Variants in MTHFD2L observed in about 807,000 individuals in gnomAD.
MTHFD2L encodes bifunctional methylenetetrahydrofolate dehydrogenase/cyclohydrolase 2, mitochondrial.
In MTHFD2L, 29 loss-of-function variants were observed where a neutral mutation model predicts 34.9. The observed-to-expected ratio is 0.83, with a 90% CI of 0.62 to 1.13. The LOEUF is 1.13. Ranked by LOEUF, MTHFD2L falls within the 50% of genes most tolerant of loss-of-function variation. The pLI, the probability that MTHFD2L is intolerant of heterozygous loss-of-function variation, is 0.00. For missense variants in MTHFD2L, 481 were observed against 446.5 expected (o/e 1.08, Z -0.70); for synonymous variants, 167 against 155.7 (o/e 1.07, Z -0.54).
chr4:74,222,412 A>G (rs1371418935), intron 5 of MTHFD2L, among the ~76,000 whole-genome samples: 1 of 152,122 alleles, frequency 6.6e-6, no homozygotes, highest in East Asian at 1.9e-4. Flanking sequence ...GGCAAGAGCA[A>G]GACAGAAGTG....
At chr4:74,220,053 C>G (rs187627897) in intron 5 of MTHFD2L, among the ~76,000 whole-genome samples, 1 of 150,864 alleles carries the variant, frequency 6.6e-6, no homozygotes, top group African/African-American at 2.4e-5. Context: ...ATAATCAGTA[C>G]TGATGGAAAT....
chr4:74,255,118 A>G (rs1322598165), intron 6 of MTHFD2L, among the ~76,000 whole-genome samples: 2 of 143,604 alleles, frequency 1.4e-5, no homozygotes, highest in Non-Finnish European at 3.0e-5. Context: ...CTAGGCAAAA[A>G]GAGCGAGACT....
intron 1 of MTHFD2L, chr4:74,160,100 C>G (rs1725083735): frequency 7.8e-7 from 1 of 1,289,320 alleles, no homozygotes; most frequent in African/African-American, 1.5e-5. Flanking sequence ...TTGCCACTGT[C>G]TGCCTCCCCA....
chr4:74,280,803 T>C (rs1747357268), intron 6 of MTHFD2L, among the ~76,000 whole-genome samples: 1 of 151,966 alleles, frequency 6.6e-6, no homozygotes, highest in Non-Finnish European at 1.5e-5. Flanking sequence ...TTCAGAATCA[T>C]ATACGGACAT....
rs577833294 is a variant in MTHFD2L, at chr4:74,261,862, G to A, written c.806-19563G>A. Among the ~76,000 whole-genome samples the A allele has an allele frequency of 5.3e-5, 8 of 152,054 alleles. 1 individual carries two copies. The South Asian group carries it at 8.3e-4, about 16-fold the overall frequency. ...TCTGTTCCTCAGTTTCCTTACCTCC[G>A]AAGTAGGGATAATAACATCTACATC... On this transcript the variant is annotated intron_variant, in intron 6 of 7. Coordinates refer to ENST00000325278, the MANE Select transcript of MTHFD2L (RefSeq NM_001144978.3).
chr4:74,173,145 A>G (rs1437296572), intron 1 of MTHFD2L, among the ~76,000 whole-genome samples: 2 of 152,156 alleles, frequency 1.3e-5, no homozygotes, highest in African/African-American at 2.4e-5. Flanking sequence ...GCCATTCAAT[A>G]ATGAAAGGAC....
intron 1 of MTHFD2L, among the ~76,000 whole-genome samples, chr4:74,165,931 T>C (rs900336611): frequency 1.3e-5 from 2 of 148,294 alleles, no homozygotes; most frequent in East Asian, 3.9e-4. Flanking sequence ...AATAAGTTGT[T>C]TTTGTGTATG....
intron 6 of MTHFD2L, among the ~76,000 whole-genome samples, chr4:74,248,021 T>G (rs930845302): frequency 2.0e-5 from 3 of 152,180 alleles, no homozygotes; most frequent in Non-Finnish European, 2.9e-5. Flanking sequence ...GATTCCCTCT[T>G]TTTCTATTGA....
At chr4:74,219,264 T>A (rs1737737808) in intron 5 of MTHFD2L, among the ~76,000 whole-genome samples, 1 of 152,088 alleles carries the variant, frequency 6.6e-6, no homozygotes, top group Non-Finnish European at 1.5e-5. Flanking sequence ...CTTAGAAACA[T>A]ATTATAAAAC....
At chr4:74,271,728 G>A (rs1746016872) in intron 6 of MTHFD2L, among the ~76,000 whole-genome samples, 1 of 152,064 alleles carries the variant, frequency 6.6e-6, no homozygotes, top group Non-Finnish European at 1.5e-5. Context: ...TAGCTTGATG[G>A]GGATGGCATT....
intron 1 of MTHFD2L, among the ~76,000 whole-genome samples, chr4:74,140,079 G>C (rs1389612964): frequency 1.3e-5 from 2 of 152,112 alleles, no homozygotes; most frequent in Non-Finnish European, 2.9e-5. Context: ...ACTTTAGGAG[G>C]CCCAGGTGGG....
intron 1 of MTHFD2L, among the ~76,000 whole-genome samples, chr4:74,133,795 C>A (rs909361335): frequency 1.3e-5 from 2 of 152,096 alleles, no homozygotes; most frequent in African/African-American, 4.8e-5. Flanking sequence ...GTTCACATAT[C>A]GGTTTTCTAA....
chr4:74,212,506 G>T (rs919483261), intron 5 of MTHFD2L, among the ~76,000 whole-genome samples: 15 of 152,156 alleles, frequency 9.9e-5, no homozygotes, highest in Admixed American at 7.9e-4. Context: ...GTGTGTTTTT[G>T]AGTGAGTTTC....
chr4:74,235,851 C>T (rs1246588), intron 6 of MTHFD2L, among the ~76,000 whole-genome samples: 36,506 of 151,806 alleles, frequency 0.24, 4,496 homozygotes, highest in African/African-American at 0.29. Context: ...TTTGTTACCC[C>T]GACCTTTATC....
chr4:74,164,912 T>G, intron 1 of MTHFD2L: 8 of 936,456 alleles, frequency 8.5e-6, no homozygotes, highest in Non-Finnish European at 8.9e-6. Flanking sequence ...TTTCTTGCCT[T>G]TAGGGGAAGG....
chr4:74,208,645 A>G (rs931908785), intron 5 of MTHFD2L, among the ~76,000 whole-genome samples: 4 of 152,164 alleles, frequency 2.6e-5, no homozygotes, highest in Non-Finnish European at 5.9e-5. Context: ...AAAACTCAGT[A>G]AAGTGAGAAG....
Position 74,201,328 on chromosome 4 carries a change from G to A in MTHFD2L, c.670G>A (p.Ala224Thr). ...ATCCAAGAACGTAGGGATGCCTATT[G>A]CCATGCTTTTACACACTGATGGAGA... ...GRSKNVGMPI[A>T]MLLHTDGEHE... The change falls in exon 5 of 8, where the codon GCC becomes ACC. Residue 224 changes from alanine to threonine, a missense_variant. Ala to Thr is a moderately conservative substitution (Grantham distance 58). Coordinates refer to ENST00000325278, the MANE Select transcript of MTHFD2L (RefSeq NM_001144978.3). 1 of 1,613,840 alleles carries A rather than the reference G, an allele frequency of 6.2e-7. No individual in the cohort carries two copies. The highest frequency in any genetic ancestry group is 8.5e-7 in the Non-Finnish European group (1 of 1,179,872).
chr4:74,278,999 T>C (rs1224237347), intron 6 of MTHFD2L, among the ~76,000 whole-genome samples: 1 of 152,122 alleles, frequency 6.6e-6, no homozygotes, highest in Non-Finnish European at 1.5e-5. Flanking sequence ...GATGCTTTCA[T>C]CTAACCTACA....
chr4:74,225,517 T>C (rs1357647627), intron 6 of MTHFD2L, 123 bp downstream of exon 6: 4 of 706,072 alleles, frequency 5.7e-6, no homozygotes, highest in Non-Finnish European at 9.9e-6. Context: ...CTTCTGTTGA[T>C]TGGATTCTGT....
Sources: allele counts gnomAD v4.1 joint callset (sites outside exome capture counted in the v4.1 genomes callset), GRCh38; gene constraint gnomAD v4.1.1; transcripts MANE v1.5; gene names NCBI Gene and HGNC (gene_info 2026-07-23, HGNC 2026-07-21).